CYP1A2: variants seen among roughly 807,000 people sequenced by gnomAD.
The protein encoded by CYP1A2 is cytochrome P450 family 1 subfamily A member 2.
A neutral mutation model predicts 34.7 loss-of-function variants in CYP1A2; 35 were observed. That is an observed-to-expected ratio of 1.01 (90% CI 0.77 to 1.34). CYP1A2 has a LOEUF of 1.34. Among genes scored for constraint, CYP1A2 ranks in the 40% most tolerant of loss-of-function variants. CYP1A2 has a pLI of 0.00. For synonymous variants in CYP1A2, 288 were observed against 281.9 expected, an observed-to-expected ratio of 1.02 and a Z score of -0.22; for missense variants, 675 against 675.8, an observed-to-expected ratio of 1.00 and a Z score of 0.01.
intron 2 of CYP1A2, among the ~76,000 whole-genome samples, chr15:74,750,982 G>A (rs1437234035): frequency 6.6e-6 from 1 of 152,142 alleles, no homozygotes; most frequent in Non-Finnish European, 1.5e-5. Context: ...TTATTGGGAG[G>A]AAGGGTCAAT....
chr15:74,753,300 G>T, intron 6 of CYP1A2, 30 bp downstream of exon 6: 1 of 1,580,312 alleles, frequency 6.3e-7, no homozygotes, highest in Middle Eastern at 1.7e-4. Context: ...GAAAAAATGT[G>T]TGCAGGTTCA....
At chr15:74,753,950 T>C (rs1479217601) in intron 6 of CYP1A2, among the ~76,000 whole-genome samples, 2 of 152,178 alleles carry the variant, frequency 1.3e-5, no homozygotes, top group African/African-American at 4.8e-5. Flanking sequence ...ATGCTATCAA[T>C]GTTTATGCTA....
At chr15:74,751,126 G>A (rs1337272545) in intron 2 of CYP1A2, 63 bp from the exon 3 acceptor site, 5 of 1,598,718 alleles carry the variant, frequency 3.1e-6, no homozygotes, top group Non-Finnish European at 4.3e-6. Context: ...CAGGGGAGTG[G>A]AGCAACGTTC....
intron 3 of CYP1A2, 128 bp from the exon 4 acceptor site, chr15:74,751,637 C>A (rs577235218): frequency 2.1e-6 from 2 of 956,042 alleles, no homozygotes; most frequent in Admixed American, 4.8e-5. Context: ...CAGCCTCTGT[C>A]TTCAGGAAAC....
chr15:74,752,441 C>T (rs1395842563), intron 5 of CYP1A2, among the ~76,000 whole-genome samples, 194 bp downstream of exon 5: 1 of 152,214 alleles, frequency 6.6e-6, no homozygotes, highest in Non-Finnish European at 1.5e-5. Flanking sequence ...CACTTGTGAT[C>T]TCAGCGCTCA....
chr15:74,752,282 A>C, intron 5 of CYP1A2, 35 bp downstream of exon 5: 2 of 1,609,504 alleles, frequency 1.2e-6, no homozygotes, highest in Non-Finnish European at 1.7e-6. Context: ...CCACCTCTAA[A>C]GTGCTTGCCA....
At chr15:74,749,533 A>C (rs1297850379) in intron 1 of CYP1A2, among the ~76,000 whole-genome samples, 197 bp from the exon 2 acceptor site, 1 of 152,194 alleles carries the variant, frequency 6.6e-6, no homozygotes, top group Admixed American at 6.5e-5. Flanking sequence ...GCTCCTTTCC[A>C]GCTCTCAGAT....
In CYP1A2 at chr15:74,752,218, C is replaced by A. The variant is rs1200740076; in HGVS notation, c.1137C>A (p.Ser379=). 1 of 1,614,076 alleles carries A rather than the reference C, an allele frequency of 6.2e-7. No individual in the cohort carries two copies. The highest frequency in any genetic ancestry group is 1.1e-5 in the South Asian group (1 of 91,084). Residue 379 remains serine (S), a synonymous_variant, in exon 5 of 7, where the codon TCC becomes TCA. Coordinates refer to ENST00000343932, the MANE Select transcript of CYP1A2 (RefSeq NM_000761.5). ...EAFILETFRH[S]SFLPFTIPHS... is the part of the protein sequence containing the mutation. ...TCATCCTGGAGACCTTCCGACACTC[C>A]TCCTTCTTGCCCTTCACCATCCCCC...
chr15:74,751,125 G>A, intron 2 of CYP1A2, 64 bp from the exon 3 acceptor site: 1 of 1,597,556 alleles, frequency 6.3e-7, no homozygotes. Flanking sequence ...CCAGGGGAGT[G>A]GAGCAACGTT....
chr15:74,749,683 T>C, intron 1 of CYP1A2, 47 bp from the exon 2 acceptor site: 1 of 1,387,180 alleles, frequency 7.2e-7, no homozygotes, highest in Non-Finnish European at 9.8e-7. Context: ...AATGAATGAA[T>C]GTCTCCATCT....
chr15:74,750,392 C>G lies in CYP1A2; in HGVS notation c.654C>G (p.Ser218Arg), dbSNP rs1235038748. 1.9e-6 allele frequency: 3 copies of G among 1,614,188 alleles called. No homozygotes were observed. Among genetic ancestry groups the G allele is most frequent in the East Asian group, 4.5e-5 (2 of 44,884 alleles). ...HFPESSDEMLSLVKNTHEFVE... is the reference protein window; with the variant it reads ...HFPESSDEMLRLVKNTHEFVE... ...CTGAGAGTAGCGATGAGATGCTCAG[C>G]CTCGTGAAGAACACTCATGAGTTCG... Residue 218 changes from serine (S) to arginine (R), a missense_variant, in exon 2 of 7, where the codon AGC becomes AGG. Transcript: ENST00000343932.
In CYP1A2 at chr15:74,750,320, G is replaced by C; in HGVS notation, c.582G>C (p.Val194=). 6.2e-7 allele frequency: 1 copy of C among 1,614,060 alleles called. No individual in the cohort carries two copies. Among genetic ancestry groups the C allele is most frequent in the Non-Finnish European group, 8.5e-7 (1 of 1,180,010 alleles). ...GHFDPYNQVV[V]SVANVIGAMC... is the part of the protein sequence containing the mutation. Reference sequence around the variant, plus strand: ...TCGACCCTTACAATCAGGTGGTGGTGTCAGTGGCCAACGTCATTGGTGCCA... The same window carrying C: ...TCGACCCTTACAATCAGGTGGTGGTCTCAGTGGCCAACGTCATTGGTGCCA... Residue 194 remains valine (V), a synonymous_variant, in exon 2 of 7, where the codon GTG becomes GTC. Coordinates refer to ENST00000343932, the MANE Select transcript of CYP1A2 (RefSeq NM_000761.5).
intron 6 of CYP1A2, among the ~76,000 whole-genome samples, chr15:74,754,473 C>T (rs2063329255): frequency 6.7e-6 from 1 of 150,258 alleles, no homozygotes. Context: ...GGATATGGTG[C>T]CTGTAGTCCC....
rs1157156907 is a variant in CYP1A2, at chr15:74,756,156, C to T, written c.*1068C>T. On this transcript the variant is annotated 3_prime_UTR_variant, in exon 7 of 7. Coordinates refer to ENST00000343932, the MANE Select transcript of CYP1A2 (RefSeq NM_000761.5). ...TTTTTGAGACAGAGTCTTCCTCTGT[C>T]TCCTAAGCTGGAGTGCAGTGGCATC... The T allele has an allele frequency of 7.2e-6, 1 of 139,816 alleles. No individual in the cohort carries two copies. Among genetic ancestry groups the T allele is most frequent in the Non-Finnish European group, 1.5e-5 (1 of 64,990 alleles). 8.7% of individuals were successfully genotyped at this position (139,816 alleles called of 1,614,324 possible).
At position 74,754,048 on chromosome 15, in the gene CYP1A2, G is replaced by A. The variant is rs45485195; in HGVS notation, c.1254-743G>A. On this transcript the variant is annotated intron_variant, in intron 6 of 6. Transcript: ENST00000343932. ...CATATTTTGAGTAGGATGAAGAAAC[G>A]TATGTCTTTCTTTCTTCCTTTCACT... Among the ~76,000 whole-genome samples, 594 of 152,196 alleles carry A rather than the reference G, an allele frequency of 3.9e-3. 2 individuals carry two copies. The highest frequency in any genetic ancestry group is 0.014 in the African/African-American group (579 of 41,508).
chr15:74,751,089 G>A (rs1364463369), intron 2 of CYP1A2, 100 bp from the exon 3 acceptor site: 3 of 1,517,152 alleles, frequency 2.0e-6, no homozygotes, highest in South Asian at 1.3e-5. Flanking sequence ...GGGAGGATAG[G>A]GGGGTACCCA....
intron 5 of CYP1A2, 68 bp downstream of exon 5, chr15:74,752,315 A>AGCCCTG: frequency 6.3e-7 from 1 of 1,592,448 alleles, no homozygotes; most frequent in Non-Finnish European, 8.6e-7. Flanking sequence ...CTGGCTTCTC[A>AGCCCTG]GCCCTGGCCC....
At chr15:74,754,463 G>T (rs967730236) in intron 6 of CYP1A2, among the ~76,000 whole-genome samples, 6 of 150,414 alleles carry the variant, frequency 4.0e-5, no homozygotes, top group Non-Finnish European at 7.4e-5. Flanking sequence ...AAAATTAGCC[G>T]GATATGGTGC....
At position 74,750,553 on chromosome 15, in the gene CYP1A2, A is replaced by G; in HGVS notation, c.815A>G (p.Tyr272Cys). 6.2e-7 allele frequency: 1 copy of G among 1,613,478 alleles called. No homozygotes were observed. The highest frequency in any genetic ancestry group is 8.5e-7 in the Non-Finnish European group (1 of 1,179,528). Residue 272 changes from tyrosine to cysteine, a missense_variant, in exon 2 of 7, where the codon TAT (tyrosine) becomes TGT (cysteine). Physicochemically the swap from Tyr to Cys is radical, Grantham distance 194. Coordinates refer to ENST00000343932, the MANE Select transcript of CYP1A2 (RefSeq NM_000761.5). ...WFLQKTVQEH[Y>C]QDFDKNSVRD... ...CTGCAGAAAACAGTCCAGGAGCACTATCAGGACTTTGACAAGGTGAGCCCG... is the reference window on the plus strand; with the variant it reads ...CTGCAGAAAACAGTCCAGGAGCACTGTCAGGACTTTGACAAGGTGAGCCCG...
Sources: gnomAD v4.1 joint callset for allele counts (sites outside exome capture counted in the v4.1 genomes callset) on GRCh38, gnomAD v4.1.1 for gene constraint, MANE v1.5 for transcripts, NCBI Gene and HGNC (gene_info 2026-07-23, HGNC 2026-07-21) for gene names.